TYW1B: variants seen among roughly 807,000 people sequenced by gnomAD.
The protein encoded by TYW1B is S-adenosyl-L-methionine-dependent tRNA 4-demethylwyosine synthase TYW1B.
Under a neutral mutation model 86.9 loss-of-function variants are expected in TYW1B, and 73 were observed. The observed-to-expected ratio is 0.84, with a 90% confidence interval of 0.70 to 1.02. The LOEUF (loss-of-function observed/expected upper bound fraction) is 1.02. TYW1B is among the 50% of genes least tolerant of loss of function. TYW1B has a pLI of 0.00. For synonymous variants in TYW1B, 248 were observed against 292.8 expected (o/e 0.85, Z 1.56); for missense variants, 637 against 827.4 (o/e 0.77, Z 2.82).
At chr7:72,655,925 C>T (rs1451049668) in intron 11 of TYW1B, among the ~76,000 whole-genome samples, 1 of 152,212 alleles carries the variant, frequency 6.6e-6, no homozygotes, top group African/African-American at 2.4e-5. Flanking sequence ...CTGCTAGAGC[C>T]AGCGCCATGG....
chr7:72,813,878 G>A (rs1788670475), intron 3 of TYW1B, among the ~76,000 whole-genome samples: 1 of 151,884 alleles, frequency 6.6e-6, no homozygotes, highest in East Asian at 1.9e-4. Context: ...AGCCAGGTGT[G>A]GTGGTGGGCA....
chr7:72,763,840 T>C (rs1427135134), intron 7 of TYW1B, among the ~76,000 whole-genome samples: 3 of 152,210 alleles, frequency 2.0e-5, no homozygotes, highest in African/African-American at 4.8e-5. Flanking sequence ...CTTACAGAGA[T>C]ATTAAATTAT....
intron 10 of TYW1B, among the ~76,000 whole-genome samples, chr7:72,703,609 C>T (rs529656261): frequency 3.8e-4 from 58 of 151,988 alleles, no homozygotes; most frequent in African/African-American, 1.3e-3. Flanking sequence ...AATCCCAGCA[C>T]TTTGGGAGGC....
At chr7:72,577,242 T>C (rs1554428872) in intron 13 of TYW1B, among the ~76,000 whole-genome samples, 1 of 152,036 alleles carries the variant, frequency 6.6e-6, no homozygotes, top group Non-Finnish European at 1.5e-5. Flanking sequence ...TTTAGAATAT[T>C]AAAATATGTT....
intron 5 of TYW1B, among the ~76,000 whole-genome samples, chr7:72,803,903 C>G (rs1484490033): frequency 6.6e-6 from 1 of 151,912 alleles, no homozygotes; most frequent in Non-Finnish European, 1.5e-5. Flanking sequence ...TGTGAGCCAC[C>G]GTGCCCAGCT....
chr7:72,727,730 T>A (rs1349859283), intron 9 of TYW1B, among the ~76,000 whole-genome samples: 1 of 146,932 alleles, frequency 6.8e-6, no homozygotes, highest in African/African-American at 2.5e-5. Context: ...GGGAGGATCA[T>A]CTGAGCCTGG....
Position 72,630,263 on chromosome 7 carries a change from G to C in TYW1B, c.1507-1266C>G, listed in dbSNP as rs555660028. ...CACTGCACTGAGACAGAGCAAGACT[G>C]TCTCAAAATAAATAAATAAATAAAA... is the stretch of plus-strand genomic sequence containing the variant. On this transcript the variant is annotated intron_variant, in intron 11 of 13. Transcript: ENST00000620995. 3.3e-3 allele frequency among the ~76,000 whole-genome samples: 497 copies of C among 152,182 alleles called. 2 individuals are homozygous for C. The highest frequency in any genetic ancestry group is 0.011 in the African/African-American group (471 of 41,524).
At chr7:72,693,022 C>A (rs1814211011) in intron 11 of TYW1B, among the ~76,000 whole-genome samples, 2 of 152,100 alleles carry the variant, frequency 1.3e-5, no homozygotes, top group Non-Finnish European at 2.9e-5. Context: ...CCATATCTGG[C>A]TGCATACCAA....
At chr7:72,810,903 G>A (rs1359235062) in intron 3 of TYW1B, among the ~76,000 whole-genome samples, 3 of 151,854 alleles carry the variant, frequency 2.0e-5, no homozygotes, top group Admixed American at 6.6e-5. Context: ...CATCATATAC[G>A]CCATTCCATT....
intron 7 of TYW1B, among the ~76,000 whole-genome samples, chr7:72,760,065 C>CA (rs1307289615): frequency 2.6e-5 from 4 of 151,994 alleles, no homozygotes; most frequent in African/African-American, 9.7e-5. Context: ...AAAGCCAAAA[C>CA]AAAAAAACCC....
intron 6 of TYW1B, among the ~76,000 whole-genome samples, chr7:72,778,554 A>C (rs1787996758): frequency 6.6e-6 from 1 of 152,124 alleles, no homozygotes; most frequent in African/African-American, 2.4e-5. Context: ...GGTTCAAGCA[A>C]TTCTCATGCC....
chr7:72,801,058 G>T (rs1376972050), intron 6 of TYW1B, among the ~76,000 whole-genome samples: 1 of 152,140 alleles, frequency 6.6e-6, no homozygotes, highest in African/African-American at 2.4e-5. Flanking sequence ...GCCAGGTGTG[G>T]TAACTCATGT....
chr7:72,810,541 G>C lies in TYW1B; in HGVS notation c.362C>G (p.Thr121Ser). The C allele has an allele frequency of 6.2e-7, 1 of 1,613,970 alleles. No individual in the cohort carries two copies. The highest frequency in any genetic ancestry group is 8.5e-7 in the Non-Finnish European group (1 of 1,179,870). ...EASIDFRFGK[T>S]YLKGMRDAVF... is the part of the protein sequence containing the mutation. ...CGCATCTCTCATACCCTTCAGGTAAGTTTTGCCAAATCGAAAATCAATGGA... is the reference window on the plus strand; with the variant it reads ...CGCATCTCTCATACCCTTCAGGTAACTTTTGCCAAATCGAAAATCAATGGA... Residue 121 changes from threonine to serine, a missense_variant, in exon 4 of 14, where the codon ACT becomes AGT. Transcript: ENST00000620995.
chr7:72,597,693 T>C (rs4580927), intron 13 of TYW1B, among the ~76,000 whole-genome samples: 22,212 of 151,470 alleles, frequency 0.15, 1,674 homozygotes, highest in East Asian at 0.53. Context: ...TTTTTTATCA[T>C]AGAGAAAATC....
chr7:72,704,521 G>A (rs1316425057), intron 10 of TYW1B, among the ~76,000 whole-genome samples: 2 of 151,466 alleles, frequency 1.3e-5, no homozygotes, highest in Non-Finnish European at 2.9e-5. Flanking sequence ...GGCCAGGGTG[G>A]GAGGATCACT....
At chr7:72,827,328 C>T (rs1380614303) in intron 1 of TYW1B, among the ~76,000 whole-genome samples, 1 of 152,092 alleles carries the variant, frequency 6.6e-6, no homozygotes, top group Non-Finnish European at 1.5e-5. Flanking sequence ...GAACTGCTTG[C>T]ACCTGGGAGG....
At chr7:72,631,949 A>C (rs1407577823) in intron 11 of TYW1B, among the ~76,000 whole-genome samples, 3 of 152,322 alleles carry the variant, frequency 2.0e-5, no homozygotes, top group Non-Finnish European at 4.4e-5. Context: ...ATATGCCAGC[A>C]ATCAGCAATT....
intron 13 of TYW1B, among the ~76,000 whole-genome samples, chr7:72,611,707 C>T (rs1332731808): frequency 1.3e-5 from 2 of 152,208 alleles, no homozygotes; most frequent in African/African-American, 2.4e-5. Context: ...CTCAGAGTAC[C>T]CAGCCCTCTG....
chr7:72,801,657 T>G (rs73129485), intron 6 of TYW1B, among the ~76,000 whole-genome samples: 10 of 152,064 alleles, frequency 6.6e-5, no homozygotes, highest in Admixed American at 6.6e-4. Context: ...ATGTACAATA[T>G]TACTTCAATT....
Sources: allele counts gnomAD v4.1 joint callset (sites outside exome capture counted in the v4.1 genomes callset), GRCh38; gene constraint gnomAD v4.1.1; transcripts MANE v1.5; gene names NCBI Gene and HGNC (gene_info 2026-07-23, HGNC 2026-07-21).